GPR89B: variants seen among roughly 807,000 people sequenced by gnomAD.
GPR89B encodes G protein-coupled receptor 89B.
GPR89B carries 25 observed loss-of-function variants against 52.4 expected under a neutral mutation model. The ratio of observed to expected loss-of-function variants is 0.48; its 90% confidence interval spans 0.35 to 0.67. GPR89B has a LOEUF of 0.67. GPR89B is among the 30% of genes least tolerant of loss of function. The probability of loss-of-function intolerance (pLI) is 0.01; values close to 1 mark genes in which losing one functional copy is unlikely to be tolerated. For missense variants in GPR89B, 146 were observed against 450.2 expected (o/e 0.32, Z 6.11); for synonymous variants, 52 against 151.2 (o/e 0.34, Z 4.81).
At chr1:147,938,133 T>G (rs1448287580) in intron 2 of GPR89B, among the ~76,000 whole-genome samples, 1 of 152,136 alleles carries the variant, frequency 6.6e-6, no homozygotes, top group Non-Finnish European at 1.5e-5. Flanking sequence ...GTTTTTATCT[T>G]AAGCTTTGGA....
intron 10 of GPR89B, 152 bp downstream of exon 10, chr1:147,970,111 T>G: frequency 9.2e-7 from 1 of 1,090,960 alleles, no homozygotes; most frequent in Non-Finnish European, 1.3e-6. Flanking sequence ...GGGCTTCATT[T>G]GTTATCCTCT....
chr1:147,946,920 ATAAG>A (rs1558041022), intron 5 of GPR89B, among the ~76,000 whole-genome samples: 1 of 152,190 alleles, frequency 6.6e-6, no homozygotes, highest in Non-Finnish European at 1.5e-5. Context: ...ACCCTCTAAG[ATAAG>A]TAAGGAGGAA....
At chr1:148,009,626 A>G in the GPR89B span, 1 of 1,118,768 alleles carries the variant, frequency 8.9e-7, no homozygotes, top group East Asian at 2.4e-5. Context: ...AACTTTAATA[A>G]CCCTCTGCCA....
downstream of GPR89B, among the ~76,000 whole-genome samples, chr1:147,997,803 G>C (rs1271644287): frequency 6.6e-6 from 1 of 152,170 alleles, no homozygotes; most frequent in African/African-American, 2.4e-5. Context: ...TAATTGGTGA[G>C]AGGGTGACAG....
intron 1 of GPR89B, among the ~76,000 whole-genome samples, chr1:147,933,523 G>T (rs1320434815): frequency 6.6e-6 from 1 of 152,006 alleles, no homozygotes; most frequent in African/African-American, 2.4e-5. Context: ...GACCCATCTT[G>T]CTGGCTGTCC....
intron 3 of GPR89B, among the ~76,000 whole-genome samples, chr1:147,939,713 A>G (rs1167515135): frequency 6.6e-6 from 1 of 152,206 alleles, no homozygotes; most frequent in Non-Finnish European, 1.5e-5. Context: ...AAAAAGAGAG[A>G]GGGGCCAGAC....
chr1:148,006,055 C>G, the GPR89B span, among the ~76,000 whole-genome samples: 6,709 of 152,226 alleles, frequency 0.044, 212 homozygotes, highest in African/African-American at 0.073. Context: ...AGAGCTAACT[C>G]GGCCTTTGGC....
the GPR89B span, chr1:148,009,624 T>A: frequency 5.1e-6 from 6 of 1,173,728 alleles, no homozygotes; most frequent in Non-Finnish European, 7.3e-6. Flanking sequence ...GTAACTTTAA[T>A]AACCCTCTGC....
intron 3 of GPR89B, among the ~76,000 whole-genome samples, chr1:147,939,841 A>T (rs1351044593): frequency 6.6e-6 from 1 of 151,416 alleles, no homozygotes; most frequent in Non-Finnish European, 1.5e-5. Flanking sequence ...CTACAAAAAA[A>T]TAAAAAAAAT....
At chr1:147,987,688 A>G (rs2149094036) in intron 11 of GPR89B, among the ~76,000 whole-genome samples, 1 of 152,170 alleles carries the variant, frequency 6.6e-6, no homozygotes, top group South Asian at 2.1e-4. Flanking sequence ...TATATTTTGT[A>G]ATTCTGAATA....
chr1:147,976,686 A>G (rs1457169186), intron 10 of GPR89B, among the ~76,000 whole-genome samples: 1 of 151,980 alleles, frequency 6.6e-6, no homozygotes, highest in East Asian at 1.9e-4. Flanking sequence ...TCCTGTCATC[A>G]TGATGCCAGC....
At chr1:147,969,485 T>C (rs1210043252) in intron 9 of GPR89B, 1 of 189,882 alleles carries the variant, frequency 5.3e-6, no homozygotes, top group East Asian at 1.6e-4. Context: ...TTTACAGGAG[T>C]AACCTTATAG....
intron 2 of GPR89B, among the ~76,000 whole-genome samples, chr1:147,937,557 G>A (rs146543749): frequency 0.041 from 6,162 of 152,090 alleles, 167 homozygotes; most frequent in African/African-American, 0.061. Context: ...CTCCCAGAGC[G>A]GCCATTCATA....
At chr1:148,021,588 G>C in the GPR89B span, among the ~76,000 whole-genome samples, 1 of 151,642 alleles carries the variant, frequency 6.6e-6, no homozygotes, top group Admixed American at 6.6e-5. Flanking sequence ...GGAGGAACCC[G>C]AGTGCAGATG....
chr1:148,019,133 T>C, the GPR89B span, among the ~76,000 whole-genome samples: 2 of 150,984 alleles, frequency 1.3e-5, no homozygotes, highest in Non-Finnish European at 2.9e-5. Flanking sequence ...CGCGCCACCA[T>C]GCCCAGCTAA....
chr1:147,990,232 C>T (rs28798460), intron 12 of GPR89B, among the ~76,000 whole-genome samples: 9 of 152,128 alleles, frequency 5.9e-5, no homozygotes, highest in Admixed American at 5.9e-4. Context: ...CAGCATTTTT[C>T]CATGTGTCTG....
At chr1:147,980,925 A>G (rs1237954416) in intron 10 of GPR89B, among the ~76,000 whole-genome samples, 1 of 144,202 alleles carries the variant, frequency 6.9e-6, no homozygotes, top group Non-Finnish European at 1.5e-5. Flanking sequence ...CCACTAATCT[A>G]TTTTCTGTCT....
intron 7 of GPR89B, among the ~76,000 whole-genome samples, chr1:147,962,399 G>C (rs1266133754): frequency 4.0e-5 from 6 of 150,444 alleles, no homozygotes; most frequent in African/African-American, 1.5e-4. Flanking sequence ...CCTCCAGCCT[G>C]GGTGACAGAG....
At chr1:147,931,278 C>T (rs1279068658) in intron 1 of GPR89B, among the ~76,000 whole-genome samples, 5 of 151,890 alleles carry the variant, frequency 3.3e-5, no homozygotes, top group African/African-American at 1.2e-4. Flanking sequence ...AATTTTCAAC[C>T]CAGAAGTCAC....
Sources: allele counts gnomAD v4.1 joint callset (sites outside exome capture counted in the v4.1 genomes callset), GRCh38; gene constraint gnomAD v4.1.1; transcripts MANE v1.5; gene names NCBI Gene and HGNC (gene_info 2026-07-23, HGNC 2026-07-21).